Variants in MAGI1 observed in about 807,000 individuals in gnomAD.
MAGI1 encodes the protein membrane associated guanylate kinase, WW and PDZ domain containing 1, also known as membrane-associated guanylate kinase, WW and PDZ domain-containing protein 1.
In MAGI1, 58 loss-of-function variants were observed where a neutral mutation model predicts 139.9. That is an observed-to-expected ratio of 0.41 (90% CI 0.34 to 0.52). The LOEUF is 0.52. MAGI1 is among the 20% of genes least tolerant of loss of function. MAGI1 has a pLI of 0.12. For synonymous variants in MAGI1, 812 were observed against 737.9 expected (o/e 1.10, Z -1.63); for missense variants, 1,874 against 1,901.6 (o/e 0.99, Z 0.27).
intron 12 of MAGI1, among the ~76,000 whole-genome samples, chr3:65,404,525 A>T (rs553235283): frequency 2.8e-4 from 42 of 152,228 alleles, no homozygotes; most frequent in Non-Finnish European, 4.6e-4. Flanking sequence ...ACCACAAATT[A>T]ATATTTAAAT....
At chr3:65,533,769 A>G (rs2078824120) in intron 2 of MAGI1, among the ~76,000 whole-genome samples, 1 of 152,206 alleles carries the variant, frequency 6.6e-6, no homozygotes, top group Non-Finnish European at 1.5e-5. Context: ...TCTGAGCATT[A>G]GAATCCATGT....
intron 1 of MAGI1, among the ~76,000 whole-genome samples, chr3:65,711,306 G>GTT (rs531752511): frequency 4.7e-4 from 72 of 152,298 alleles, no homozygotes; most frequent in Non-Finnish European, 9.0e-4. Context: ...AGGAAATGAG[G>GTT]TTGAAGTTTG....
intron 1 of MAGI1, among the ~76,000 whole-genome samples, chr3:65,964,253 T>C (rs1334856203): frequency 6.6e-6 from 1 of 152,156 alleles, no homozygotes; most frequent in Admixed American, 6.5e-5. Context: ...ATGTTAAGAC[T>C]TGAGAGAAGC....
chr3:65,772,838 A>G (rs925874649), intron 1 of MAGI1, among the ~76,000 whole-genome samples: 22 of 152,220 alleles, frequency 1.4e-4, no homozygotes, highest in Admixed American at 5.9e-4. Context: ...TTGCATTTAC[A>G]AATGACAGAA....
intron 1 of MAGI1, among the ~76,000 whole-genome samples, chr3:65,755,316 A>G (rs1057004166): frequency 1.3e-5 from 2 of 152,180 alleles, no homozygotes; most frequent in African/African-American, 4.8e-5. Context: ...TATTTCTGAC[A>G]ATCAAAGAGA....
At chr3:65,941,211 G>A (rs1034246138) in intron 1 of MAGI1, among the ~76,000 whole-genome samples, 1 of 152,068 alleles carries the variant, frequency 6.6e-6, no homozygotes, top group African/African-American at 2.4e-5. Flanking sequence ...GCTGAGCATG[G>A]TAGCAGGTGC....
chr3:65,679,616 A>G (rs2087436736), intron 1 of MAGI1, among the ~76,000 whole-genome samples: 1 of 152,126 alleles, frequency 6.6e-6, no homozygotes, highest in Non-Finnish European at 1.5e-5. Context: ...AGAAGAAAGG[A>G]GAACGGCAGT....
chr3:65,690,522 G>C (rs369560380), intron 1 of MAGI1, among the ~76,000 whole-genome samples: 4 of 152,066 alleles, frequency 2.6e-5, no homozygotes, highest in East Asian at 1.9e-4. Context: ...TGTCACTCAG[G>C]CTGGAGTGCA....
At chr3:65,764,324 T>C (rs906800492) in intron 1 of MAGI1, among the ~76,000 whole-genome samples, 1 of 152,130 alleles carries the variant, frequency 6.6e-6, no homozygotes, top group Non-Finnish European at 1.5e-5. Context: ...ATATTACTTA[T>C]GGTTGTGATT....
chr3:65,778,372 G>C (rs1047193801), intron 1 of MAGI1, among the ~76,000 whole-genome samples: 6 of 144,644 alleles, frequency 4.1e-5, no homozygotes, highest in Non-Finnish European at 8.9e-5. Flanking sequence ...AGAGGTTGCA[G>C]TGGGCCAAGA....
At chr3:65,703,606 T>A (rs564412807) in intron 1 of MAGI1, among the ~76,000 whole-genome samples, 1 of 152,178 alleles carries the variant, frequency 6.6e-6, no homozygotes, top group Non-Finnish European at 1.5e-5. Context: ...CTTGCAGTCA[T>A]CTCAGACTCA....
chr3:65,737,732 A>G (rs575297312), intron 1 of MAGI1, among the ~76,000 whole-genome samples: 4 of 152,330 alleles, frequency 2.6e-5, no homozygotes, highest in South Asian at 2.1e-4. Flanking sequence ...ATTACAACCA[A>G]TGAAAGATTT....
chr3:65,926,327 TTCTCTCTCTC>T (rs377665681), intron 1 of MAGI1, among the ~76,000 whole-genome samples: 61 of 115,664 alleles, frequency 5.3e-4, no homozygotes, highest in East Asian at 1.2e-3. Context: ...AAGTCTTCTT[TTCTCTCTCTC>T]TCTCTCTCTC....
chr3:65,697,122 A>G (rs1344851756), intron 1 of MAGI1, among the ~76,000 whole-genome samples: 1 of 152,182 alleles, frequency 6.6e-6, no homozygotes, highest in East Asian at 1.9e-4. Context: ...TAGAAAATCT[A>G]GAAGAAATGG....
At chr3:65,896,083 A>G (rs1351827919) in intron 1 of MAGI1, among the ~76,000 whole-genome samples, 2 of 152,116 alleles carry the variant, frequency 1.3e-5, no homozygotes, top group East Asian at 1.9e-4. Context: ...CCTGGCTGAC[A>G]TGGGGAAGCC....
chr3:65,546,109 T>C (rs1335069674), intron 2 of MAGI1, among the ~76,000 whole-genome samples: 3 of 152,108 alleles, frequency 2.0e-5, no homozygotes, highest in South Asian at 2.1e-4. Flanking sequence ...ACACGCACAA[T>C]TGCATATAAA....
chr3:65,798,282 C>A (rs555085436), intron 1 of MAGI1, among the ~76,000 whole-genome samples: 10 of 152,152 alleles, frequency 6.6e-5, no homozygotes, highest in African/African-American at 2.4e-4. Context: ...CCAGCCTGGG[C>A]AACAAAGCGA....
At chr3:65,379,804 T>C (rs1323778230) in intron 16 of MAGI1, among the ~76,000 whole-genome samples, 1 of 152,160 alleles carries the variant, frequency 6.6e-6, no homozygotes, top group Admixed American at 6.5e-5. Flanking sequence ...GTTTGTTGTT[T>C]ATAGCATGCT....
Position 65,527,022 on chromosome 3 carries a change from G to C in MAGI1, c.431-33391C>G, listed in dbSNP as rs536865557. ...GCAGGCTTTAAAAAACTCTAGAATG[G>C]TTATGATATTTTAGGAAGGCTAAGA... On this transcript the variant is annotated intron_variant, in intron 2 of 22. Coordinates refer to ENST00000402939, the MANE Select transcript of MAGI1 (RefSeq NM_001033057.2). Among the ~76,000 whole-genome samples, 5 of 152,258 alleles carry C rather than the reference G, an allele frequency of 3.3e-5. No individual in the cohort carries two copies. The South Asian group carries it at 8.3e-4, about 25-fold the overall frequency.
Sources: gnomAD v4.1 joint callset for allele counts (sites outside exome capture counted in the v4.1 genomes callset) on GRCh38, gnomAD v4.1.1 for gene constraint, MANE v1.5 for transcripts, NCBI Gene and HGNC (gene_info 2026-07-23, HGNC 2026-07-21) for gene names.